Variants in CNTN4 observed in about 807,000 individuals in gnomAD.
The protein encoded by CNTN4 is contactin 4, also known as contactin-4.
In CNTN4, 77 loss-of-function variants were observed where a neutral mutation model predicts 122.5. The observed-to-expected ratio is 0.63, with a 90% CI of 0.52 to 0.76. The LOEUF (loss-of-function observed/expected upper bound fraction) is 0.76. CNTN4 is among the 30% of genes least tolerant of loss of function. The probability of loss-of-function intolerance (pLI) is 0.00; values close to 1 mark genes in which losing one functional copy is unlikely to be tolerated. For synonymous variants in CNTN4, 512 were observed against 447.0 expected, an observed-to-expected ratio of 1.15 and a Z score of -1.83; for missense variants, 1,256 against 1,259.1, an observed-to-expected ratio of 1.00 and a Z score of 0.04.
At chr3:2,400,404 AATATAT>A (rs36082705) in intron 3 of CNTN4, among the ~76,000 whole-genome samples, 9 of 91,436 alleles carry the variant, frequency 9.8e-5, no homozygotes, top group Non-Finnish European at 1.7e-4. Flanking sequence ...TATGTGTGTG[AATATAT>A]ATATATATAT....
At chr3:2,902,727 T>C in intron 11 of CNTN4, 149 bp from the exon 12 acceptor site, 1 of 768,606 alleles carries the variant, frequency 1.3e-6, no homozygotes, top group East Asian at 2.7e-5. Flanking sequence ...CAAATTTAGC[T>C]GACAGATAAA....
chr3:2,309,799 C>A (rs2042848900), intron 2 of CNTN4, among the ~76,000 whole-genome samples: 1 of 152,078 alleles, frequency 6.6e-6, no homozygotes. Flanking sequence ...CTAATGAGCA[C>A]ATGGAATCAA....
intron 2 of CNTN4, among the ~76,000 whole-genome samples, chr3:2,103,619 C>T (rs2032178614): frequency 1.3e-5 from 2 of 152,206 alleles, no homozygotes; most frequent in South Asian, 2.1e-4. Flanking sequence ...AATAGCCTCT[C>T]CTAACTTTTG....
intron 2 of CNTN4, among the ~76,000 whole-genome samples, chr3:2,118,783 G>A (rs1478932612): frequency 6.6e-6 from 1 of 152,118 alleles, no homozygotes; most frequent in Middle Eastern, 3.2e-3. Flanking sequence ...ATTTATGTAC[G>A]GGTCCGAATG....
At chr3:2,469,798 G>A (rs559517726) in intron 3 of CNTN4, among the ~76,000 whole-genome samples, 6 of 152,132 alleles carry the variant, frequency 3.9e-5, no homozygotes, top group Non-Finnish European at 5.9e-5. Flanking sequence ...TTTCTGACAT[G>A]TGTTATTAGA....
intron 3 of CNTN4, among the ~76,000 whole-genome samples, chr3:2,368,643 C>T (rs1012493665): frequency 2.0e-5 from 3 of 150,688 alleles, no homozygotes; most frequent in South Asian, 2.1e-4. Flanking sequence ...ATGAATAAAC[C>T]GTACCCTTCA....
At chr3:2,663,133 A>G (rs572302713) in intron 4 of CNTN4, among the ~76,000 whole-genome samples, 45 of 152,146 alleles carry the variant, frequency 3.0e-4, no homozygotes, top group African/African-American at 1.0e-3. Context: ...GGAAATAAAG[A>G]CACAAGATCA....
intron 3 of CNTN4, among the ~76,000 whole-genome samples, chr3:2,446,075 C>T (rs995113845): frequency 1.3e-5 from 2 of 152,158 alleles, no homozygotes; most frequent in African/African-American, 4.8e-5. Context: ...ATTTCCTGTT[C>T]TGATTTTGGT....
chr3:2,712,647 T>TG (rs1242806802), intron 4 of CNTN4, among the ~76,000 whole-genome samples: 1 of 152,222 alleles, frequency 6.6e-6, no homozygotes, highest in African/African-American at 2.4e-5. Context: ...ATCTCCAAAG[T>TG]GCTGTTTTTC....
At chr3:3,029,109 A>AT (rs1574865604) in intron 15 of CNTN4, among the ~76,000 whole-genome samples, 1 of 152,158 alleles carries the variant, frequency 6.6e-6, no homozygotes, top group East Asian at 1.9e-4. Flanking sequence ...TTATTTTCCC[A>AT]TTTTATTGAG....
chr3:3,010,046 A>G lies in CNTN4; in HGVS notation c.1487-16056A>G, dbSNP rs557796740. Among the ~76,000 whole-genome samples, 368 of 152,140 alleles carry G rather than the reference A, an allele frequency of 2.4e-3. 3 individuals carry two copies. Among genetic ancestry groups the G allele is most frequent in the Middle Eastern group, 6.8e-3 (2 of 294 alleles). On this transcript the variant is annotated intron_variant, in intron 14 of 24. Coordinates refer to ENST00000418658, the MANE Select transcript of CNTN4 (RefSeq NM_175607.3). ...CCTGGGAGCCTCCTTGGGGAAGGAG[A>G]CTGAGAATCTCAGCTTCACTGTATG... is the stretch of plus-strand genomic sequence containing the variant.
intron 2 of CNTN4, among the ~76,000 whole-genome samples, chr3:2,198,579 A>G (rs1056203935): frequency 1.3e-5 from 2 of 152,180 alleles, no homozygotes; most frequent in Non-Finnish European, 2.9e-5. Context: ...CAAATTTATA[A>G]ATAACTTTGG....
chr3:2,805,745 T>A (rs1436134941), intron 6 of CNTN4, among the ~76,000 whole-genome samples: 1 of 151,898 alleles, frequency 6.6e-6, no homozygotes, highest in Non-Finnish European at 1.5e-5. Flanking sequence ...ATTGGCCAGG[T>A]TTTTATCCCG....
At chr3:2,300,183 AG>A (rs1333807195) in intron 2 of CNTN4, among the ~76,000 whole-genome samples, 4 of 152,224 alleles carry the variant, frequency 2.6e-5, no homozygotes, top group Non-Finnish European at 5.9e-5. Context: ...ATTTTGAACA[AG>A]AATGTTAGAC....
intron 3 of CNTN4, among the ~76,000 whole-genome samples, chr3:2,378,140 C>T (rs935049360): frequency 3.9e-5 from 6 of 152,184 alleles, no homozygotes; most frequent in South Asian, 2.1e-4. Context: ...GAAATAGATG[C>T]GACAAATGGG....
chr3:2,418,205 A>G (rs2151086851), intron 3 of CNTN4, among the ~76,000 whole-genome samples: 1 of 152,282 alleles, frequency 6.6e-6, no homozygotes, highest in East Asian at 1.9e-4. Context: ...GGTGAGGTAT[A>G]TTGATAGTTC....
rs75194504 is a variant in CNTN4 at position 2,508,311 on chromosome 3, A to G, written c.-88-63105A>G. On this transcript the variant is annotated intron_variant, in intron 3 of 24. Transcript: ENST00000418658. ...TTTTGTTCCCAGCTGGAGAAATGTC[A>G]CAGTTGTCTCAGCTTTTGACTCTGA... Among the ~76,000 whole-genome samples, 1,038 of 152,298 alleles carry G rather than the reference A, an allele frequency of 6.8e-3. 10 individuals carry two copies. Among genetic ancestry groups the G allele is most frequent in the African/African-American group, 0.024 (1,002 of 41,564 alleles).
intron 13 of CNTN4, among the ~76,000 whole-genome samples, chr3:2,969,514 G>A (rs1241460572): frequency 8.2e-6 from 1 of 121,898 alleles, no homozygotes; most frequent in Non-Finnish European, 1.6e-5. Flanking sequence ...AAGGAAAATT[G>A]GGATTATTAT....
At chr3:2,745,297 A>T (rs1358846220) in intron 5 of CNTN4, among the ~76,000 whole-genome samples, 6 of 152,184 alleles carry the variant, frequency 3.9e-5, no homozygotes, top group Non-Finnish European at 7.4e-5. Flanking sequence ...TAATGATATT[A>T]AAAAAATTTT....
Sources: allele counts gnomAD v4.1 joint callset (sites outside exome capture counted in the v4.1 genomes callset), GRCh38; gene constraint gnomAD v4.1.1; transcripts MANE v1.5; gene names NCBI Gene and HGNC (gene_info 2026-07-23, HGNC 2026-07-21).